The following GPR3 variants were observed in gnomAD, a reference collection of about 807,000 sequenced individuals.
The protein encoded by GPR3 is ACCA orphan receptor.
In GPR3, 16 loss-of-function variants were observed where a neutral mutation model predicts 18.2. The ratio of observed to expected loss-of-function variants is 0.88; its 90% CI spans 0.60 to 1.34. The LOEUF is 1.34. GPR3 is among the 40% of genes most tolerant of loss of function. GPR3 has a pLI of 0.00. For missense variants in GPR3, 326 were observed against 427.6 expected, an observed-to-expected ratio of 0.76 and a Z score of 2.10; for synonymous variants, 183 against 188.9, an observed-to-expected ratio of 0.97 and a Z score of 0.26.
rs781444309 is a variant in GPR3, at chr1:27,394,742, G to C, written c.944G>C (p.Cys315Ser). 1 of 1,614,118 alleles carries C rather than the reference G, an allele frequency of 6.2e-7. No homozygotes were observed. The highest frequency in any genetic ancestry group is 1.3e-5 in the African/African-American group (1 of 75,014). ...QKVLWAVCCC[C>S]SSSKIPFRSR... ...GTGCTGTGGGCTGTCTGCTGCTGCTGTTCCTCTTCCAAGATCCCCTTCCGA... is the reference window on the plus strand; with the variant it reads ...GTGCTGTGGGCTGTCTGCTGCTGCTCTTCCTCTTCCAAGATCCCCTTCCGA... The change falls in exon 2 of 2, where the codon TGT becomes TCT. Residue 315 changes from cysteine to serine, a missense_variant. Transcript: ENST00000374024.
intron 1 of GPR3, among the ~76,000 whole-genome samples, chr1:27,393,259 C>T (rs1042653250): frequency 1.3e-5 from 2 of 151,730 alleles, no homozygotes; most frequent in Non-Finnish European, 2.9e-5. Flanking sequence ...CAGGTGTTAC[C>T]GCGGGAGTGC....
chr1:27,394,489 C>T lies in GPR3; in HGVS notation c.691C>T (p.Arg231Trp), dbSNP rs750254257. 2.1e-5 allele frequency: 34 copies of T among 1,614,002 alleles called. No individual in the cohort carries two copies. Among genetic ancestry groups the T allele is most frequent in the Non-Finnish European group, 2.6e-5 (31 of 1,180,040 alleles). ...CCATGCCCAGCAGATTGCCCTTCAG[C>T]GGCACCTGCTGCCTGCCTCCCACTA... ...CRHAQQIALQ[R>W]HLLPASHYVA... The change falls in exon 2 of 2, where the codon CGG becomes TGG. Residue 231 changes from arginine (R) to tryptophan (W), a missense_variant. By Grantham distance (101) the Arg-to-Trp change is moderately radical. Coordinates refer to ENST00000374024, the MANE Select transcript of GPR3 (RefSeq NM_005281.4).
chr1:27,393,357 G>A (rs1195450036), intron 1 of GPR3, among the ~76,000 whole-genome samples: 2 of 152,134 alleles, frequency 1.3e-5, no homozygotes, highest in African/African-American at 4.8e-5. Context: ...GGGTCTGGGA[G>A]CCTCAGGCAC....
In GPR3 at chr1:27,394,658, C is replaced by T; in HGVS notation, c.860C>T (p.Thr287Ile). 6.2e-7 allele frequency: 1 copy of T among 1,614,192 alleles called. No individual in the cohort carries two copies. Among genetic ancestry groups the T allele is most frequent in the Non-Finnish European group, 8.5e-7 (1 of 1,180,032 alleles). The change falls in exon 2 of 2, where the codon ACC (threonine) becomes ATC (isoleucine). Residue 287 changes from threonine (T) to isoleucine (I), a missense_variant. Coordinates refer to ENST00000374024, the MANE Select transcript of GPR3 (RefSeq NM_005281.4). ...LYTYLTLLPA[T>I]YNSMINPIIY... ...ACCTATCTTACCTTGCTCCCTGCCA[C>T]CTACAACTCCATGATCAACCCTATC...
At position 27,394,434 on chromosome 1, in the gene GPR3, C is replaced by T. The variant is rs1433948651; in HGVS notation, c.636C>T (p.Leu212=). 1.2e-6 allele frequency: 2 copies of T among 1,614,142 alleles called. No individual in the cohort carries two copies. The highest frequency in any genetic ancestry group is 1.1e-5 in the South Asian group (1 of 91,082). The change falls in exon 2 of 2, where the codon CTC becomes CTT. Residue 212 remains leucine, a synonymous_variant. Coordinates refer to ENST00000374024, the MANE Select transcript of GPR3 (RefSeq NM_005281.4). ...FFMVFGIMLQ[L]YAQICRIVCR... Reference sequence around the variant, plus strand: ...TGGTGTTTGGCATCATGCTGCAGCTCTACGCCCAAATCTGCCGCATCGTCT... The same window carrying T: ...TGGTGTTTGGCATCATGCTGCAGCTTTACGCCCAAATCTGCCGCATCGTCT...
chr1:27,393,898 GC>G lies in GPR3; in HGVS notation c.102del (p.Ala35HisfsTer26). The G allele has an allele frequency of 6.2e-7, 1 of 1,609,438 alleles. No homozygotes were observed. The highest frequency in any genetic ancestry group is 2.2e-5 in the East Asian group (1 of 44,800). On this transcript the variant is annotated frameshift_variant, in exon 2 of 2. Transcript: ENST00000374024. LOFTEE classifies it high-confidence loss of function. ...CCCAGCAGAGGGGCCCACAGGTCCAGCCGCACCACTGCCCTCGCCTAAGGCC... is the reference window on the plus strand; with the variant it reads ...CCCAGCAGAGGGGCCCACAGGTCCAGCGCACCACTGCCCTCGCCTAAGGCC... ...VGPAEGPTGP[A>X]APLPSPKAWD...
Position 27,394,144 on chromosome 1 carries a change from C to T in GPR3, c.346C>T (p.Leu116=), listed in dbSNP as rs765447881. ...AEMSLVLVGV[L]AMAFTASIGS... ...GATGAGCCTGGTGCTGGTTGGCGTG[C>T]TGGCAATGGCCTTTACCGCCAGCAT... Residue 116 remains leucine, a synonymous_variant, in exon 2 of 2, where the codon CTG becomes TTG. Coordinates refer to ENST00000374024, the MANE Select transcript of GPR3 (RefSeq NM_005281.4). 1.9e-6 allele frequency: 3 copies of T among 1,613,372 alleles called. No homozygotes were observed. The African/African-American group carries it at 4.0e-5, about 22-fold the overall frequency.
intron 1 of GPR3, 100 bp from the exon 2 acceptor site, chr1:27,393,694 G>A: frequency 1.0e-6 from 1 of 987,228 alleles, no homozygotes; most frequent in South Asian, 1.6e-5. Context: ...ATCCTGAGGA[G>A]AGACTCCCAC....
chr1:27,393,913 T>G lies in GPR3; in HGVS notation c.115T>G (p.Ser39Ala). The G allele has an allele frequency of 6.2e-7, 1 of 1,610,694 alleles. No homozygotes were observed. The highest frequency in any genetic ancestry group is 8.5e-7 in the Non-Finnish European group (1 of 1,179,042). ...CACAGGTCCAGCCGCACCACTGCCC[T>G]CGCCTAAGGCCTGGGATGTGGTGCT... ...GPTGPAAPLPSPKAWDVVLCI... is the reference protein window; with the variant it reads ...GPTGPAAPLPAPKAWDVVLCI... Residue 39 changes from serine (S) to alanine (A), a missense_variant, in exon 2 of 2, where the codon TCG (serine) becomes GCG (alanine). Coordinates refer to ENST00000374024, the MANE Select transcript of GPR3 (RefSeq NM_005281.4).
chr1:27,395,429 T>C lies in GPR3; in HGVS notation c.*638T>C, dbSNP rs1327422426. On this transcript the variant is annotated 3_prime_UTR_variant, in exon 2 of 2. Coordinates refer to ENST00000374024, the MANE Select transcript of GPR3 (RefSeq NM_005281.4). ...GGATTATTTTTTATCGAAGAGATCA[T>C]AGAAACCAGAGCCTTCTCCCCAGGC... The C allele has an allele frequency of 6.0e-6, 1 of 167,182 alleles. No individual in the cohort carries two copies. Among genetic ancestry groups the C allele is most frequent in the African/African-American group, 2.4e-5 (1 of 41,462 alleles). 10.4% of individuals were successfully genotyped at this position (167,182 alleles called of 1,614,324 possible).
rs1370942732 is a variant in GPR3, at chr1:27,394,436, A to G, written c.638A>G (p.Tyr213Cys). The stretch of plus-strand genomic sequence containing the variant: ...GTGTTTGGCATCATGCTGCAGCTCT[A>G]CGCCCAAATCTGCCGCATCGTCTGC... Reference protein sequence around the residue: ...FMVFGIMLQLYAQICRIVCRH... With the variant: ...FMVFGIMLQLCAQICRIVCRH... The change falls in exon 2 of 2, where the codon TAC becomes TGC. Residue 213 changes from tyrosine (Y) to cysteine (C), a missense_variant. Coordinates refer to ENST00000374024, the MANE Select transcript of GPR3 (RefSeq NM_005281.4). 6.2e-7 allele frequency: 1 copy of G among 1,614,128 alleles called. No homozygotes were observed. Among genetic ancestry groups the G allele is most frequent in the South Asian group, 1.1e-5 (1 of 91,086 alleles).
Position 27,394,838 on chromosome 1 carries a change from A to G in GPR3, c.*47A>G, listed in dbSNP as rs1432564819. The G allele has an allele frequency of 3.8e-6, 6 of 1,577,304 alleles. No individual in the cohort carries two copies. The South Asian group carries it at 7.1e-5, about 19-fold the overall frequency. ...ACCCTGATTACTACAGAATTCCAGA[A>G]TGTTAGGCTCTCCAGGGCTTCTTTC... On this transcript the variant is annotated 3_prime_UTR_variant, in exon 2 of 2. Coordinates refer to ENST00000374024, the MANE Select transcript of GPR3 (RefSeq NM_005281.4).
chr1:27,393,915 G>C lies in GPR3; in HGVS notation c.117G>C (p.Ser39=). The change falls in exon 2 of 2, where the codon TCG becomes TCC. Residue 39 remains serine, a synonymous_variant. Coordinates refer to ENST00000374024, the MANE Select transcript of GPR3 (RefSeq NM_005281.4). Reference sequence around the variant, plus strand: ...CAGGTCCAGCCGCACCACTGCCCTCGCCTAAGGCCTGGGATGTGGTGCTCT... The same window carrying C: ...CAGGTCCAGCCGCACCACTGCCCTCCCCTAAGGCCTGGGATGTGGTGCTCT... ...GPTGPAAPLP[S]PKAWDVVLCI... 2 of 1,610,744 alleles carry C rather than the reference G, an allele frequency of 1.2e-6. No homozygotes were observed. The highest frequency in any genetic ancestry group is 8.5e-7 in the Non-Finnish European group (1 of 1,179,130).
At position 27,395,125 on chromosome 1, in the gene GPR3, T is replaced by A; in HGVS notation, c.*334T>A. On this transcript the variant is annotated 3_prime_UTR_variant, in exon 2 of 2. Transcript: ENST00000374024. ...TTGACCTTGACCATGTCACTTTATG[T>A]TTGAATTTCTGAGCTAAAGAGTCAG... The A allele has an allele frequency of 3.1e-6, 1 of 319,676 alleles. No homozygotes were observed. 19.8% of individuals were successfully genotyped at this position (319,676 alleles called of 1,614,324 possible).
In GPR3 at chr1:27,394,318, G is replaced by A. The variant is rs760592740; in HGVS notation, c.520G>A (p.Ala174Thr). The A allele has an allele frequency of 6.2e-7, 1 of 1,613,502 alleles. No individual in the cohort carries two copies. The change falls in exon 2 of 2, where the codon GCC becomes ACC. Residue 174 changes from alanine (A) to threonine (T), a missense_variant. Ala to Thr is a moderately conservative substitution (Grantham distance 58). Transcript: ENST00000374024. ...GGGCCTGGGGCTGCTGCCTGTGCTGGCCTGGAACTGCCTGGATGGCCTGAC... is the reference window on the plus strand; with the variant it reads ...GGGCCTGGGGCTGCTGCCTGTGCTGACCTGGAACTGCCTGGATGGCCTGAC... ...ALGLGLLPVLAWNCLDGLTTC... is the reference protein window; with the variant it reads ...ALGLGLLPVLTWNCLDGLTTC...
Position 27,394,899 on chromosome 1 carries a change from G to A in GPR3, c.*108G>A, listed in dbSNP as rs565839826. ...GCTCCACACCCCCCAGACCCAGCTG[G>A]TTCTGGAGTTCTAGGACATTGGGTG... is the stretch of plus-strand genomic sequence containing the variant. On this transcript the variant is annotated 3_prime_UTR_variant, in exon 2 of 2. Transcript: ENST00000374024. The A allele has an allele frequency of 1.6e-5, 19 of 1,215,586 alleles. No homozygotes were observed. The East Asian group carries it at 3.3e-4, about 21-fold the overall frequency. 75.3% of individuals were successfully genotyped at this position (1,215,586 alleles called of 1,614,324 possible). A position where few individuals can be genotyped will look rare whatever the true frequency, so the allele number is the denominator to read the frequency against.
intron 1 of GPR3, among the ~76,000 whole-genome samples, chr1:27,393,009 G>A (rs1236543352): frequency 2.0e-5 from 3 of 152,100 alleles, no homozygotes; most frequent in Admixed American, 6.5e-5. Context: ...GGCAGGAGGC[G>A]TCTGGGGCAG....
chr1:27,394,203 C>T lies in GPR3; in HGVS notation c.405C>T (p.Tyr135=). 1 of 1,613,966 alleles carries T rather than the reference C, an allele frequency of 6.2e-7. No individual in the cohort carries two copies. The highest frequency in any genetic ancestry group is 8.5e-7 in the Non-Finnish European group (1 of 1,180,036). Reference sequence around the variant, plus strand: ...TACTGGCCATCACTGTCGACCGCTACCTTTCTCTGTACAATGCCCTCACCT... The same window carrying T: ...TACTGGCCATCACTGTCGACCGCTATCTTTCTCTGTACAATGCCCTCACCT... ...GSLLAITVDR[Y]LSLYNALTYY... is the part of the protein sequence containing the mutation. The change falls in exon 2 of 2, where the codon TAC becomes TAT. Residue 135 remains tyrosine (Y), a synonymous_variant. Coordinates refer to ENST00000374024, the MANE Select transcript of GPR3 (RefSeq NM_005281.4).
rs34226821 is a variant in GPR3, at chr1:27,395,704, A to AG, written c.*920dup. Reference sequence around the variant, plus strand: ...GCCTCACCCTGCGGTGCCCTAAAGGAGGGGGGGCACGAGCCAACACCCCAC... The same window carrying AG: ...GCCTCACCCTGCGGTGCCCTAAAGGAGGGGGGGGCACGAGCCAACACCCCAC... On this transcript the variant is annotated 3_prime_UTR_variant, in exon 2 of 2. Transcript: ENST00000374024. The AG allele has an allele frequency of 3.0e-5, 5 of 166,716 alleles. No homozygotes were observed. Among genetic ancestry groups the AG allele is most frequent in the Admixed American group, 6.6e-5 (1 of 15,242 alleles). 10.3% of individuals were successfully genotyped at this position (166,716 alleles called of 1,614,324 possible). A position where few individuals can be genotyped will look rare whatever the true frequency, so the allele number is the denominator to read the frequency against.
Sources: gnomAD v4.1 joint callset for allele counts (sites outside exome capture counted in the v4.1 genomes callset) on GRCh38, gnomAD v4.1.1 for gene constraint, MANE v1.5 for transcripts, NCBI Gene and HGNC (gene_info 2026-07-23, HGNC 2026-07-21) for gene names.